WBP2NL: variants seen among roughly 807,000 people sequenced by gnomAD.
The protein encoded by WBP2NL is postacrosomal sheath WW domain-binding protein.
In WBP2NL, 27 loss-of-function variants were observed where a neutral mutation model predicts 23.3. That is an observed-to-expected ratio of 1.16 (90% CI 0.85 to 1.60). The LOEUF is 1.60. Ranked by LOEUF, WBP2NL falls within the 40% of genes most tolerant of loss-of-function variation. The pLI is 0.00. For synonymous variants in WBP2NL, 151 were observed against 145.9 expected, an observed-to-expected ratio of 1.03 and a Z score of -0.25; for missense variants, 370 against 389.5, an observed-to-expected ratio of 0.95 and a Z score of 0.42.
At chr22:42,038,018 C>A (rs133352) in intron 8 of WBP2NL, among the ~76,000 whole-genome samples, 95,161 of 151,960 alleles carry the variant, frequency 0.63, 30,368 homozygotes, top group East Asian at 0.85. Flanking sequence ...TGTTGATTAA[C>A]AGTGATAAGA....
At chr22:42,035,047 AGACAGGCATAG>A (rs1440099670), downstream of WBP2NL, among the ~76,000 whole-genome samples, 1 of 152,284 alleles carries the variant, frequency 6.6e-6, no homozygotes, top group Non-Finnish European at 1.5e-5. Flanking sequence ...ATTAAAGCAA[AGACAGGCATAG>A]GAAATCACAA....
chr22:42,032,932 T>C (rs1925041951), downstream of WBP2NL: 1 of 197,652 alleles, frequency 5.1e-6, no homozygotes, highest in African/African-American at 2.4e-5. Context: ...TAATTATTAA[T>C]ATTATGGTAT....
intron 1 of WBP2NL, among the ~76,000 whole-genome samples, chr22:42,010,232 C>T (rs1007672526): frequency 6.6e-6 from 1 of 152,152 alleles, no homozygotes; most frequent in Non-Finnish European, 1.5e-5. Flanking sequence ...TATAAGATCA[C>T]GCCATCTGTG....
At chr22:42,017,512 T>C (rs980320041) in intron 1 of WBP2NL, among the ~76,000 whole-genome samples, 1 of 152,216 alleles carries the variant, frequency 6.6e-6, no homozygotes, top group Non-Finnish European at 1.5e-5. Flanking sequence ...TAAATTGCTA[T>C]GACAGTTTGT....
At chr22:42,021,563 G>A (rs1022735829) in intron 4 of WBP2NL, among the ~76,000 whole-genome samples, 4 of 152,114 alleles carry the variant, frequency 2.6e-5, no homozygotes, top group African/African-American at 9.7e-5. Flanking sequence ...GATGCAGAGG[G>A]GAGACAAGAC....
chr22:42,047,243 T>C (rs1482106304), intron 8 of WBP2NL, among the ~76,000 whole-genome samples: 1 of 104,176 alleles, frequency 9.6e-6, no homozygotes, highest in Non-Finnish European at 2.0e-5. Context: ...GGGTAATAAC[T>C]GAAAATAAAG....
At chr22:42,003,582 G>A (rs139250915) in intron 1 of WBP2NL, 180 of 152,112 alleles carry the variant, frequency 1.2e-3, no homozygotes, top group African/African-American at 4.2e-3. Context: ...TTTGTACTTT[G>A]TATACAAATA....
At chr22:42,000,875 CA>C (rs1372309786) in intron 1 of WBP2NL, among the ~76,000 whole-genome samples, 2 of 151,908 alleles carry the variant, frequency 1.3e-5, no homozygotes, top group Non-Finnish European at 1.5e-5. Flanking sequence ...GTGAATCACC[CA>C]AAAGGTGAAC....
chr22:42,034,331 A>G (rs1451346282), downstream of WBP2NL, among the ~76,000 whole-genome samples: 11 of 152,368 alleles, frequency 7.2e-5, no homozygotes, highest in Middle Eastern at 3.4e-3. Context: ...GAGAAATTTT[A>G]AAGCTGGGCA....
intron 1 of WBP2NL, among the ~76,000 whole-genome samples, chr22:41,999,487 A>AT (rs1337209934): frequency 6.6e-6 from 1 of 152,152 alleles, no homozygotes; most frequent in East Asian, 1.9e-4. Context: ...TAAAAACAAA[A>AT]TTGAAAAAAT....
At chr22:42,050,198 T>C (rs73418997) in intron 8 of WBP2NL, among the ~76,000 whole-genome samples, 7,350 of 151,956 alleles carry the variant, frequency 0.048, 611 homozygotes, top group African/African-American at 0.17. Context: ...TCCTAGCTAC[T>C]CGGGAGGCTT....
intron 1 of WBP2NL, among the ~76,000 whole-genome samples, chr22:42,006,454 C>T (rs150706993): frequency 0.01 from 1,531 of 152,242 alleles, 21 homozygotes; most frequent in African/African-American, 0.035. Context: ...AGGATGGTCT[C>T]GATCGCCTGA....
intron 1 of WBP2NL, among the ~76,000 whole-genome samples, chr22:42,011,442 A>T (rs567108924): frequency 1.3e-5 from 2 of 151,832 alleles, no homozygotes; most frequent in Admixed American, 1.3e-4. Flanking sequence ...TTTTGTAGAG[A>T]TGAGGTTTTC....
At chr22:42,052,895 G>A (rs1440275501) in intron 8 of WBP2NL, among the ~76,000 whole-genome samples, 2 of 152,166 alleles carry the variant, frequency 1.3e-5, no homozygotes, top group African/African-American at 4.8e-5. Context: ...CAAAAGCCAT[G>A]TGTTATTTGT....
intron 1 of WBP2NL, among the ~76,000 whole-genome samples, chr22:42,006,858 C>T (rs1322164251): frequency 6.6e-6 from 1 of 152,182 alleles, no homozygotes; most frequent in Non-Finnish European, 1.5e-5. Context: ...CTGACCCCAG[C>T]TGAGAAGTCA....
At chr22:42,058,105 A>G (rs937894752) in intron 8 of WBP2NL, among the ~76,000 whole-genome samples, 2 of 149,818 alleles carry the variant, frequency 1.3e-5, no homozygotes, top group Non-Finnish European at 3.0e-5. Context: ...TTTAATAGAG[A>G]TGGGGTTTCA....
chr22:42,027,485 G>C lies in WBP2NL; in HGVS notation c.*304G>C, dbSNP rs1189953250. The C allele has an allele frequency of 2.8e-6, 1 of 353,698 alleles. No individual in the cohort carries two copies. The highest frequency in any genetic ancestry group is 5.1e-6 in the Non-Finnish European group (1 of 196,996). The allele number at this position is 353,698 out of a possible 1,614,324, so 21.9% of individuals were successfully genotyped here. A position where few individuals can be genotyped will look rare whatever the true frequency, so the allele number is the denominator to read the frequency against. ...AACTTTTTCCACACTCGCATTCAAG[G>C]TTCCTGTCTTCCCATCCTCATTCAA... On this transcript the variant is annotated 3_prime_UTR_variant, in exon 6 of 6. Transcript: ENST00000328823.
At chr22:42,039,926 CT>C (rs1322503852) in intron 8 of WBP2NL, among the ~76,000 whole-genome samples, 1 of 138,118 alleles carries the variant, frequency 7.2e-6, no homozygotes, top group Non-Finnish European at 1.5e-5. Flanking sequence ...TTTTTTTTTC[CT>C]CGAGATGAAG....
intron 8 of WBP2NL, among the ~76,000 whole-genome samples, chr22:42,038,264 G>A (rs1476754512): frequency 2.0e-5 from 3 of 151,986 alleles, no homozygotes; most frequent in Non-Finnish European, 4.4e-5. Flanking sequence ...TCCTCTTATT[G>A]TGATTTACTA....
Sources: gnomAD v4.1 joint callset for allele counts (sites outside exome capture counted in the v4.1 genomes callset) on GRCh38, gnomAD v4.1.1 for gene constraint, MANE v1.5 for transcripts, NCBI Gene and HGNC (gene_info 2026-07-23, HGNC 2026-07-21) for gene names.